The following BCKDHB variants were observed in gnomAD, a reference collection of about 807,000 sequenced individuals.
BCKDHB encodes 2-oxoisovalerate dehydrogenase subunit beta, mitochondrial.
Under a neutral mutation model 48.5 loss-of-function variants are expected in BCKDHB, and 41 were observed. The observed-to-expected ratio is 0.85, with a 90% CI of 0.66 to 1.10. BCKDHB has a LOEUF of 1.10. BCKDHB is among the 50% of genes least tolerant of loss of function. The probability of loss-of-function intolerance (pLI) is 0.00; values close to 1 mark genes in which losing one functional copy is unlikely to be tolerated. For synonymous variants in BCKDHB, 201 were observed against 174.8 expected (o/e 1.15, Z -1.18); for missense variants, 496 against 494.2 (o/e 1.00, Z -0.03).
rs1440210490 is a variant in BCKDHB at position 80,177,426 on chromosome 6, G to T, written c.742+6036G>T. 2.0e-5 allele frequency among the ~76,000 whole-genome samples: 3 copies of T among 152,052 alleles called. No individual in the cohort carries two copies. The East Asian group carries it at 5.8e-4, about 29-fold the overall frequency. ...AGATAACGGGGGAATTGATAAACTGGAAGATAAAACCAAAGCAATAACCAG... is the reference window on the plus strand; with the variant it reads ...AGATAACGGGGGAATTGATAAACTGTAAGATAAAACCAAAGCAATAACCAG... On this transcript the variant is annotated intron_variant, in intron 6 of 9. Coordinates refer to ENST00000320393, the MANE Select transcript of BCKDHB (RefSeq NM_183050.4).
chr6:80,248,733 G>A (rs1189840115), intron 8 of BCKDHB, among the ~76,000 whole-genome samples: 1 of 152,138 alleles, frequency 6.6e-6, no homozygotes, highest in Non-Finnish European at 1.5e-5. Context: ...CCTTAGAGAG[G>A]CTCTCACTCC....
intron 8 of BCKDHB, among the ~76,000 whole-genome samples, chr6:80,222,624 T>C (rs1775509327): frequency 6.6e-6 from 1 of 152,146 alleles, no homozygotes; most frequent in Non-Finnish European, 1.5e-5. Context: ...TGCCTTGGAG[T>C]TGTCTTCTTA....
the BCKDHB span, among the ~76,000 whole-genome samples, chr6:80,423,212 C>T: frequency 0.017 from 2,630 of 152,148 alleles, 69 homozygotes; most frequent in African/African-American, 0.059. Flanking sequence ...TGCCACCTTG[C>T]GAAGAAAGTG....
chr6:80,429,210 T>C, the BCKDHB span, among the ~76,000 whole-genome samples: 1 of 152,328 alleles, frequency 6.6e-6, no homozygotes, highest in East Asian at 1.9e-4. Flanking sequence ...CTGAGGCTTC[T>C]GTTCAGTTCT....
At chr6:80,394,361 A>G in the BCKDHB span, among the ~76,000 whole-genome samples, 1 of 151,970 alleles carries the variant, frequency 6.6e-6, no homozygotes, top group Non-Finnish European at 1.5e-5. Context: ...TATTCTGAAT[A>G]TATCTATTAA....
At chr6:80,374,415 G>T in the BCKDHB span, 147 of 780,178 alleles carry the variant, frequency 1.9e-4, 2 homozygotes, top group East Asian at 3.6e-3. Flanking sequence ...TTTCTGTAAA[G>T]TGACATCTTT....
intron 3 of BCKDHB, among the ~76,000 whole-genome samples, chr6:80,152,800 T>C (rs1047195081): frequency 2.0e-5 from 3 of 152,226 alleles, no homozygotes; most frequent in Non-Finnish European, 4.4e-5. Flanking sequence ...TCCAGGTTCA[T>C]GCTGGTACCT....
the BCKDHB span, among the ~76,000 whole-genome samples, chr6:80,430,034 G>T: frequency 1.3e-5 from 2 of 152,186 alleles, no homozygotes; most frequent in African/African-American, 4.8e-5. Flanking sequence ...TTTGAGATAC[G>T]TTCCATCGAT....
the BCKDHB span, among the ~76,000 whole-genome samples, chr6:80,407,730 C>T: frequency 1.3e-5 from 2 of 152,232 alleles, no homozygotes; most frequent in South Asian, 4.1e-4. Context: ...GCTGAAGTTG[C>T]TTATCAGCTT....
At chr6:80,332,392 C>T (rs191522590) in intron 9 of BCKDHB, among the ~76,000 whole-genome samples, 2 of 152,042 alleles carry the variant, frequency 1.3e-5, no homozygotes, top group East Asian at 1.9e-4. Context: ...ATTTTATACT[C>T]GAGACATTTC....
chr6:80,119,242 C>T (rs981652375), intron 1 of BCKDHB, among the ~76,000 whole-genome samples: 22 of 152,094 alleles, frequency 1.4e-4, no homozygotes, highest in Middle Eastern at 3.4e-3. Context: ...ATAAAATGAA[C>T]GAATGAATGA....
chr6:80,133,711 C>T (rs751777704), intron 3 of BCKDHB, among the ~76,000 whole-genome samples: 12 of 151,918 alleles, frequency 7.9e-5, no homozygotes, highest in Non-Finnish European at 1.2e-4. Context: ...AATGCGATCA[C>T]GGCTCACTGT....
intron 9 of BCKDHB, among the ~76,000 whole-genome samples, chr6:80,334,779 T>C (rs894955055): frequency 6.6e-6 from 1 of 150,998 alleles, no homozygotes; most frequent in Non-Finnish European, 1.5e-5. Flanking sequence ...AAACATACAC[T>C]AAAAGAAATT....
At chr6:80,316,883 T>G (rs1768475142) in intron 9 of BCKDHB, among the ~76,000 whole-genome samples, 2 of 152,206 alleles carry the variant, frequency 1.3e-5, no homozygotes, top group African/African-American at 2.4e-5. Context: ...TTATTCTGAT[T>G]GTTTTCAAAT....
At chr6:80,313,342 G>A (rs1402764245) in intron 9 of BCKDHB, among the ~76,000 whole-genome samples, 9 of 151,614 alleles carry the variant, frequency 5.9e-5, no homozygotes, top group Non-Finnish European at 1.2e-4. Flanking sequence ...TTCTTTATTA[G>A]TGTAGCTAGT....
intron 9 of BCKDHB, among the ~76,000 whole-genome samples, chr6:80,301,214 C>T (rs548413834): frequency 1.3e-5 from 2 of 151,736 alleles, no homozygotes; most frequent in Non-Finnish European, 2.9e-5. Flanking sequence ...GATTGAGATG[C>T]AAAAATCCAT....
chr6:80,108,984 T>C (rs868229660), intron 1 of BCKDHB, among the ~76,000 whole-genome samples: 1 of 152,270 alleles, frequency 6.6e-6, no homozygotes, highest in Non-Finnish European at 1.5e-5. Context: ...TTAGTTTTAA[T>C]ACAAATACAA....
At chr6:80,294,959 G>A (rs1339831533) in intron 9 of BCKDHB, among the ~76,000 whole-genome samples, 1 of 152,030 alleles carries the variant, frequency 6.6e-6, no homozygotes, top group Non-Finnish European at 1.5e-5. Flanking sequence ...TTTAAAGCCT[G>A]TGATCTTTGT....
chr6:80,388,334 A>G, the BCKDHB span, among the ~76,000 whole-genome samples: 1 of 152,150 alleles, frequency 6.6e-6, no homozygotes, highest in Non-Finnish European at 1.5e-5. Flanking sequence ...AGGCCTCCAT[A>G]GGTCACAGAG....
Sources: gnomAD v4.1 joint callset for allele counts (sites outside exome capture counted in the v4.1 genomes callset) on GRCh38, gnomAD v4.1.1 for gene constraint, MANE v1.5 for transcripts, NCBI Gene and HGNC (gene_info 2026-07-23, HGNC 2026-07-21) for gene names.